LAMA4: variants seen among roughly 807,000 people sequenced by gnomAD.
LAMA4 encodes laminin subunit alpha 4, also known as laminin subunit alpha-4.
LAMA4 carries 127 observed loss-of-function variants against 207.1 expected under a neutral mutation model. That is an observed-to-expected ratio of 0.61 (90% CI 0.53 to 0.71). The LOEUF (loss-of-function observed/expected upper bound fraction) is 0.71, where lower values mean the gene tolerates loss of function less well. Ranked by LOEUF, LAMA4 falls within the 30% of genes least tolerant of loss-of-function variation. The pLI, the probability that LAMA4 is intolerant of heterozygous loss-of-function variation, is 0.00. For synonymous variants in LAMA4, 761 were observed against 816.0 expected, an observed-to-expected ratio of 0.93 and a Z score of 1.15; for missense variants, 2,093 against 2,246.5, an observed-to-expected ratio of 0.93 and a Z score of 1.38.
At position 112,189,039 on chromosome 6, in the gene LAMA4, C is replaced by A. The variant is rs926827200; in HGVS notation, c.814+71G>T. 9 of 1,144,878 alleles carry A rather than the reference C, an allele frequency of 7.9e-6. No homozygotes were observed. The Admixed American group carries it at 8.9e-5, about 11-fold the overall frequency. The allele number at this position is 1,144,878 out of a possible 1,614,324, so 70.9% of individuals were successfully genotyped here. A position where few individuals can be genotyped will look rare whatever the true frequency, so the allele number is the denominator to read the frequency against. ...GTTTCTAGAGAGTGATATTGCATAGCTTTTCTTAATCCCACACCTGCAGCA... is the reference window on the plus strand; with the variant it reads ...GTTTCTAGAGAGTGATATTGCATAGATTTTCTTAATCCCACACCTGCAGCA... On this transcript the variant is annotated intron_variant, in intron 7 of 38. Coordinates refer to ENST00000230538, the MANE Select transcript of LAMA4 (RefSeq NM_001105206.3).
At chr6:112,205,225 G>T (rs782043252) in intron 4 of LAMA4, among the ~76,000 whole-genome samples, 1 of 152,174 alleles carries the variant, frequency 6.6e-6, no homozygotes, top group African/African-American at 2.4e-5. Flanking sequence ...AAAATATAGC[G>T]GTATGTGTTC....
At chr6:112,203,626 C>T (rs1783885797) in intron 4 of LAMA4, among the ~76,000 whole-genome samples, 1 of 152,040 alleles carries the variant, frequency 6.6e-6, no homozygotes, top group Non-Finnish European at 1.5e-5. Flanking sequence ...CACAGATGAA[C>T]CCCTCCTCTC....
At chr6:112,235,063 G>T (rs1168313185) in intron 2 of LAMA4, among the ~76,000 whole-genome samples, 1 of 152,178 alleles carries the variant, frequency 6.6e-6, no homozygotes, top group African/African-American at 2.4e-5. Flanking sequence ...TGAGAATGAG[G>T]CGTGAAAGTG....
chr6:112,148,333 T>A lies in LAMA4; in HGVS notation c.2177A>T (p.Asp726Val), dbSNP rs781823199. 9.3e-6 allele frequency: 15 copies of A among 1,613,956 alleles called. No individual in the cohort carries two copies. Among genetic ancestry groups the A allele is most frequent in the Non-Finnish European group, 1.2e-5 (14 of 1,179,986 alleles). The change falls in exon 18 of 39, where the codon GAT becomes GTT. Residue 726 changes from aspartate (D) to valine (V), a missense_variant. Asp to Val is a radical substitution (Grantham distance 152). Around this residue, in one of 3 missense-constraint regions of LAMA4, gnomAD observed 1,704 missense variants for 1,788.4 expected, o/e 0.95. Coordinates refer to ENST00000230538, the MANE Select transcript of LAMA4 (RefSeq NM_001105206.3). Reference protein sequence around the residue: ...VKQLQAAERGDAQQRLGQSRL... With the variant: ...VKQLQAAERGVAQQRLGQSRL... ...AGACTGCCCCAGGCGCTGCTGGGCA[T>A]CCCCTTTACACAGAGCACAGGGTCA... is the stretch of plus-strand genomic sequence containing the variant.
chr6:112,171,024 G>A (rs573137741), intron 12 of LAMA4, among the ~76,000 whole-genome samples: 39 of 152,288 alleles, frequency 2.6e-4, no homozygotes, highest in Non-Finnish European at 5.0e-4. Flanking sequence ...AGATCAGAGG[G>A]AGTCCTGAAT....
chr6:112,223,161 A>G (rs1365601991), intron 2 of LAMA4, among the ~76,000 whole-genome samples: 1 of 151,280 alleles, frequency 6.6e-6, no homozygotes, highest in Non-Finnish European at 1.5e-5. Flanking sequence ...GTTACACAAC[A>G]TAGCCTCTGA....
chr6:112,109,466 C>T lies in LAMA4; in HGVS notation c.5443G>A (p.Val1815Ile), dbSNP rs3734292. 2.4e-3 allele frequency: 3,872 copies of T among 1,614,012 alleles called. 122 individuals are homozygous for T. In the East Asian group the frequency reaches 0.071, roughly 30 times the overall value. ...GCTGCTGGACAGGAGTTGATGCTTACGGCGCCGCTGACCAGGGCTGCTTTA... is the reference window on the plus strand; with the variant it reads ...GCTGCTGGACAGGAGTTGATGCTTATGGCGCCGCTGACCAGGGCTGCTTTA... ...FSKAALVSGA[V>I]SINSCPAA is the part of the protein sequence containing the mutation. Residue 1815 changes from valine (V) to isoleucine (I), a missense_variant, in exon 39 of 39, where the codon GTA becomes ATA. By Grantham distance (29) the Val-to-Ile change is conservative. Coordinates refer to ENST00000230538, the MANE Select transcript of LAMA4 (RefSeq NM_001105206.3).
chr6:112,158,894 T>A lies in LAMA4; in HGVS notation c.1669-14A>T, dbSNP rs782195545. 22 of 1,558,104 alleles carry A rather than the reference T, an allele frequency of 1.4e-5. No homozygotes were observed. Among genetic ancestry groups the A allele is most frequent in the East Asian group, 4.5e-5 (2 of 44,450 alleles). ...CCCTGACGCATTCTAAAGAAAAAAA[T>A]TTTAATAAATACATTGAATTTAGAA... On this transcript the variant is annotated splice_polypyrimidine_tract_variant and intron_variant, in intron 13 of 38. Coordinates refer to ENST00000230538, the MANE Select transcript of LAMA4 (RefSeq NM_001105206.3).
chr6:112,156,717 C>T, intron 14 of LAMA4, among the ~76,000 whole-genome samples: 1 of 152,092 alleles, frequency 6.6e-6, no homozygotes, highest in East Asian at 1.9e-4. Flanking sequence ...CATTGCAGAT[C>T]CCACACTGGC....
chr6:112,221,166 C>G (rs898363816), intron 2 of LAMA4, among the ~76,000 whole-genome samples: 1 of 152,162 alleles, frequency 6.6e-6, no homozygotes, highest in Non-Finnish European at 1.5e-5. Context: ...TCTGAGGTTT[C>G]TGAGTCCCAA....
intron 2 of LAMA4, among the ~76,000 whole-genome samples, chr6:112,242,015 C>T (rs1786554338): frequency 6.6e-6 from 1 of 152,298 alleles, no homozygotes; most frequent in South Asian, 2.1e-4. Flanking sequence ...TCCCACTATT[C>T]CCTGAAAAGT....
chr6:112,191,875 A>C, intron 5 of LAMA4, 25 bp from the exon 6 acceptor site: 1 of 1,510,170 alleles, frequency 6.6e-7, no homozygotes, highest in Non-Finnish European at 9.2e-7. Context: ...CACACATTTA[A>C]ATATTTAGCA....
intron 4 of LAMA4, among the ~76,000 whole-genome samples, chr6:112,205,565 T>TA (rs149461934): frequency 0.11 from 16,222 of 151,956 alleles, 1,236 homozygotes; most frequent in Admixed American, 0.21. Context: ...TGTGGCATAA[T>TA]AAAAAAAACA....
intron 2 of LAMA4, among the ~76,000 whole-genome samples, chr6:112,228,967 G>C (rs1554363595): frequency 6.6e-6 from 1 of 152,108 alleles, no homozygotes; most frequent in East Asian, 1.9e-4. Flanking sequence ...ACTATTCAGT[G>C]GTCCAGCAGA....
At chr6:112,204,420 A>G (rs1027430998) in intron 4 of LAMA4, among the ~76,000 whole-genome samples, 18 of 152,152 alleles carry the variant, frequency 1.2e-4, no homozygotes. Flanking sequence ...AAAGTGGAAC[A>G]GCATAATTAG....
intron 14 of LAMA4, among the ~76,000 whole-genome samples, chr6:112,157,087 C>T (rs1000250929): frequency 6.6e-5 from 10 of 152,154 alleles, no homozygotes; most frequent in Non-Finnish European, 1.3e-4. Flanking sequence ...GGGCTCTGCT[C>T]TACAGAGGGG....
chr6:112,218,873 G>T (rs1215734886), intron 2 of LAMA4: 1 of 152,416 alleles, frequency 6.6e-6, no homozygotes. Flanking sequence ...CTACGTTCCT[G>T]CTGGGCCTTG....
intron 14 of LAMA4, among the ~76,000 whole-genome samples, chr6:112,156,256 G>A (rs3798359): frequency 2.0e-5 from 3 of 151,706 alleles, no homozygotes; most frequent in African/African-American, 7.3e-5. Context: ...CCTTTCACAC[G>A]ATAGTCTCTG....
intron 31 of LAMA4, among the ~76,000 whole-genome samples, chr6:112,126,397 T>G (rs1352755450): frequency 7.2e-5 from 11 of 152,194 alleles, no homozygotes; most frequent in Non-Finnish European, 1.2e-4. Flanking sequence ...TATAGTATAC[T>G]CTGAAAACTC....
Sources: allele counts gnomAD v4.1 joint callset (sites outside exome capture counted in the v4.1 genomes callset), GRCh38; gene constraint gnomAD v4.1.1; regional missense constraint gnomAD v4.1.1; transcripts MANE v1.5; gene names NCBI Gene and HGNC (gene_info 2026-07-23, HGNC 2026-07-21).